Variants in DACT3 observed in about 807,000 individuals in gnomAD.
DACT3 encodes dishevelled binding antagonist of beta catenin 3.
Under a neutral mutation model 19.6 loss-of-function variants are expected in DACT3, and 5 were observed. The ratio of observed to expected loss-of-function variants is 0.26; its 90% CI spans 0.13 to 0.54. DACT3 has a LOEUF of 0.54. Among genes scored for constraint, DACT3 ranks in the 20% least tolerant of loss-of-function variants. The pLI is 0.95. For missense variants in DACT3, 908 were observed against 927.4 expected, an observed-to-expected ratio of 0.98 and a Z score of 0.27; for synonymous variants, 454 against 428.1, an observed-to-expected ratio of 1.06 and a Z score of -0.75.
intron 1 of DACT3, among the ~76,000 whole-genome samples, chr19:46,655,925 C>CTCTCTCTCTCTCTCTCTATATATA (rs980735397): frequency 7.3e-6 from 1 of 137,898 alleles, no homozygotes; most frequent in African/African-American, 2.7e-5. Context: ...CTCTCTCTCT[C>CTCTCTCTCTCTCTCTCTATATATA]TATATATATA....
At position 46,649,200 on chromosome 19, in the gene DACT3, G is replaced by A; in HGVS notation, c.1172C>T (p.Ser391Leu). 2 of 1,203,424 alleles carry A rather than the reference G, an allele frequency of 1.7e-6. No homozygotes were observed. The highest frequency in any genetic ancestry group is 2.1e-6 in the Non-Finnish European group (2 of 970,918). The allele number at this position is 1,203,424 out of a possible 1,614,324, so 74.5% of individuals were successfully genotyped here. A position where few individuals can be genotyped will look rare whatever the true frequency, so the allele number is the denominator to read the frequency against. Reference protein sequence around the residue: ...PLTRGRSVEQSPPRERPRAAG... With the variant: ...PLTRGRSVEQLPPRERPRAAG... ...GGCCCGGGGACGCTCCCGGGGTGGTGACTGCTCCACGCTGCGGCCGCGGGT... is the reference window on the plus strand; with the variant it reads ...GGCCCGGGGACGCTCCCGGGGTGGTAACTGCTCCACGCTGCGGCCGCGGGT... Residue 391 changes from serine (S) to leucine (L), a missense_variant, in exon 4 of 4, where the codon TCA (serine) becomes TTA (leucine). This residue lies in a region of DACT3 where 656 missense variants were observed against 601.8 expected (regional missense o/e 1.09). Coordinates refer to ENST00000391916, the MANE Select transcript of DACT3 (RefSeq NM_145056.3).
chr19:46,649,521 C>T lies in DACT3; in HGVS notation c.851G>A (p.Ser284Asn). Residue 284 changes from serine to asparagine, a missense_variant, in exon 4 of 4, where the codon AGC (serine) becomes AAC (asparagine). Physicochemically the swap from Ser to Asn is conservative, Grantham distance 46. Coordinates refer to ENST00000391916, the MANE Select transcript of DACT3 (RefSeq NM_145056.3). ...CGCGTCGGGCGGCCGCTGGCGCACG[C>T]TGTTCTGGCGCCGCGGGCCGCCGTC... ...GADGGPRRQN[S>N]VRQRPPDASP... is the part of the protein sequence containing the mutation. 1 of 1,076,208 alleles carries T rather than the reference C, an allele frequency of 9.3e-7. No homozygotes were observed. The highest frequency in any genetic ancestry group is 1.1e-6 in the Non-Finnish European group (1 of 890,832). 66.7% of individuals were successfully genotyped at this position (1,076,208 alleles called of 1,614,324 possible). A position where few individuals can be genotyped will look rare whatever the true frequency, so the allele number is the denominator to read the frequency against.
In DACT3 at chr19:46,652,827, G is replaced by A; in HGVS notation, c.347-15C>T. The A allele has an allele frequency of 1.9e-6, 3 of 1,547,284 alleles. No individual in the cohort carries two copies. The highest frequency in any genetic ancestry group is 2.6e-6 in the Non-Finnish European group (3 of 1,144,010). On this transcript the variant is annotated splice_polypyrimidine_tract_variant and intron_variant, in intron 2 of 3. Transcript: ENST00000391916. ...TTCATAGAAGCCTAAATTTCCAGGA[G>A]AAGCAGAGAGACTTCAGGGGGTTTG...
rs2052951214 is a variant in DACT3 at position 46,649,113 on chromosome 19, T to C, written c.1259A>G (p.Lys420Arg). The C allele has an allele frequency of 1.6e-6, 2 of 1,290,004 alleles. No homozygotes were observed. The highest frequency in any genetic ancestry group is 9.8e-7 in the Non-Finnish European group (1 of 1,020,312). 79.9% of individuals were successfully genotyped at this position (1,290,004 alleles called of 1,614,324 possible). A position where few individuals can be genotyped will look rare whatever the true frequency, so the allele number is the denominator to read the frequency against. The change falls in exon 4 of 4, where the codon AAG becomes AGG. Residue 420 changes from lysine to arginine, a missense_variant. Coordinates refer to ENST00000391916, the MANE Select transcript of DACT3 (RefSeq NM_145056.3). ...GGTCTCAGACTGGGAGCGCGAGGCC[T>C]TGCGGGCCCTGGGCGAGCCGCGGCG... ...SGRRGSPRAR[K>R]ASRSQSETSL...
In DACT3 at chr19:46,648,853, A is replaced by C. The variant is rs1208314721; in HGVS notation, c.1519T>G (p.Ser507Ala). The change falls in exon 4 of 4, where the codon TCA becomes GCA. Residue 507 changes from serine (S) to alanine (A), a missense_variant. Ser to Ala is a moderately conservative substitution (Grantham distance 99). This residue lies in a region of DACT3 where 656 missense variants were observed against 601.8 expected (regional missense o/e 1.09). Coordinates refer to ENST00000391916, the MANE Select transcript of DACT3 (RefSeq NM_145056.3). The surrounding 1 kb of genome is among the most constrained non-coding windows in gnomAD (Gnocchi z 5.1). ...TAAAGCAGACGACGCTGGGGAGCTG[A>C]CGGGGACGGGCCGGGGCCGGGAACA... The part of the protein sequence containing the change: ...ARVPGPGPSP[S>A]APQRRLLYGC... The C allele has an allele frequency of 6.9e-7, 1 of 1,458,752 alleles. No individual in the cohort carries two copies. The highest frequency in any genetic ancestry group is 9.0e-7 in the Non-Finnish European group (1 of 1,115,774). 90.4% of individuals were successfully genotyped at this position (1,458,752 alleles called of 1,614,324 possible).
chr19:46,648,295 C>T lies in DACT3; in HGVS notation c.*187G>A. The T allele has an allele frequency of 1.0e-6, 1 of 979,652 alleles. No individual in the cohort carries two copies. Among genetic ancestry groups the T allele is most frequent in the African/African-American group, 1.6e-5 (1 of 61,280 alleles). The allele number at this position is 979,652 out of a possible 1,614,324, so 60.7% of individuals were successfully genotyped here. A position where few individuals can be genotyped will look rare whatever the true frequency, so the allele number is the denominator to read the frequency against. On this transcript the variant is annotated 3_prime_UTR_variant, in exon 4 of 4. Coordinates refer to ENST00000391916, the MANE Select transcript of DACT3 (RefSeq NM_145056.3). This position sits in a 1 kb window ranked among gnomAD's most constrained non-coding sequence, Gnocchi z 5.1. ...AGCTGAACTGGGTCAAACAGGGCTC[C>T]TCCCCATTCCTCTCGGTGGTGGTGG...
Position 46,649,052 on chromosome 19 carries a change from C to G in DACT3, c.1320G>C (p.Gly440=). Residue 440 remains glycine (G), a synonymous_variant, in exon 4 of 4, where the codon GGG becomes GGC. Transcript: ENST00000391916. ...GCTCCGCCGTGGGGTACTTAGGGGGCCCCGAAGGGACCGCGGAGGCGCGGC... is the reference window on the plus strand; with the variant it reads ...GCTCCGCCGTGGGGTACTTAGGGGGGCCCGAAGGGACCGCGGAGGCGCGGC... ...LLGRASAVPS[G]PPKYPTAERE... 7.8e-7 allele frequency: 1 copy of G among 1,287,384 alleles called. No individual in the cohort carries two copies. The highest frequency in any genetic ancestry group is 2.2e-5 in the South Asian group (1 of 44,514). The allele number at this position is 1,287,384 out of a possible 1,614,324, so 79.7% of individuals were successfully genotyped here.
chr19:46,651,229 C>CA (rs1235110103), intron 3 of DACT3: 1 of 151,964 alleles, frequency 6.6e-6, no homozygotes, highest in South Asian at 2.1e-4. Context: ...ATTACAGGCA[C>CA]GCGCCACCAC....
Position 46,661,143 on chromosome 19 carries a change from T to TGCCC in DACT3, c.-83_-80dup, listed in dbSNP as rs748891656. The TGCCC allele has an allele frequency of 1.4e-4, 179 of 1,282,324 alleles. 1 individual carries two copies. In the African/African-American group the frequency reaches 1.9e-3, roughly 14 times the overall value. The allele number at this position is 1,282,324 out of a possible 1,614,324, so 79.4% of individuals were successfully genotyped here. A position where few individuals can be genotyped will look rare whatever the true frequency, so the allele number is the denominator to read the frequency against. ...GTCCCACCTCCCCGCCCCAGCAGCC[T>TGCCC]GCCCGCCCGCCCGCTGGCCGGGCTG... On this transcript the variant is annotated 5_prime_UTR_variant, in exon 1 of 4. Coordinates refer to ENST00000391916, the MANE Select transcript of DACT3 (RefSeq NM_145056.3).
At position 46,649,367 on chromosome 19, in the gene DACT3, C is replaced by A. The variant is rs1228135965; in HGVS notation, c.1005G>T (p.Glu335Asp). 7.9e-7 allele frequency: 1 copy of A among 1,265,448 alleles called. No individual in the cohort carries two copies. Among genetic ancestry groups the A allele is most frequent in the South Asian group, 2.1e-5 (1 of 48,646 alleles). The allele number at this position is 1,265,448 out of a possible 1,614,324, so 78.4% of individuals were successfully genotyped here. Reference protein sequence around the residue: ...ASSWESEAAPEPAAPPAAPSP... With the variant: ...ASSWESEAAPDPAAPPAAPSP... The stretch of plus-strand genomic sequence containing the variant: ...AGGGGGCGGCGGGCGGCGCAGCGGG[C>A]TCGGGTGCCGCCTCCGACTCCCACG... Residue 335 changes from glutamate to aspartate, a missense_variant, in exon 4 of 4, where the codon GAG becomes GAT. Transcript: ENST00000391916.
chr19:46,652,421 G>C, intron 3 of DACT3: 1 of 529,530 alleles, frequency 1.9e-6, no homozygotes, highest in Non-Finnish European at 3.3e-6. Context: ...CTGGCCTCAA[G>C]TGATCCGCCC....
Position 46,661,157 on chromosome 19 carries a change from C to T in DACT3, c.-93G>A, listed in dbSNP as rs1482122291. ...CCCCAGCAGCCTGCCCGCCCGCCCG[C>T]TGGCCGGGCTGTCACCGTCTCATCT... is the stretch of plus-strand genomic sequence containing the variant. On this transcript the variant is annotated 5_prime_UTR_variant, in exon 1 of 4. Coordinates refer to ENST00000391916, the MANE Select transcript of DACT3 (RefSeq NM_145056.3). 18 of 1,261,886 alleles carry T rather than the reference C, an allele frequency of 1.4e-5. No individual in the cohort carries two copies. Among genetic ancestry groups the T allele is most frequent in the Non-Finnish European group, 1.8e-5 (18 of 986,276 alleles). The allele number at this position is 1,261,886 out of a possible 1,614,324, so 78.2% of individuals were successfully genotyped here. A position where few individuals can be genotyped will look rare whatever the true frequency, so the allele number is the denominator to read the frequency against.
chr19:46,657,542 A>G (rs1423575222), intron 1 of DACT3, among the ~76,000 whole-genome samples: 3 of 150,060 alleles, frequency 2.0e-5, no homozygotes, highest in African/African-American at 7.3e-5. Context: ...TTTAGTAGAG[A>G]CGGGGTTCCA....
rs368607065 is a variant in DACT3 at position 46,653,745 on chromosome 19, G to T, written c.250-670C>A. Among the ~76,000 whole-genome samples, 51 of 151,894 alleles carry T rather than the reference G, an allele frequency of 3.4e-4. 1 individual carries two copies. In the East Asian group the frequency reaches 9.3e-3, roughly 28 times the overall value. ...ATTTTTGTGTTTTCAGTAGAGGCAG[G>T]GTTTCACCATGTTGCCCAGGCTGAT... On this transcript the variant is annotated intron_variant, in intron 1 of 3. Transcript: ENST00000391916.
At position 46,648,327 on chromosome 19, in the gene DACT3, CT is replaced by C; in HGVS notation, c.*154del. On this transcript the variant is annotated 3_prime_UTR_variant, in exon 4 of 4. Transcript: ENST00000391916. The surrounding 1 kb of genome is among the most constrained non-coding windows in gnomAD (Gnocchi z 5.1). ...TTCCTCTCGGTGGTGGTGGGGGAGCCTTTTCAACCAAGACTGTTAGGAGTGG... is the reference window on the plus strand; with the variant it reads ...TTCCTCTCGGTGGTGGTGGGGGAGCCTTTCAACCAAGACTGTTAGGAGTGG... 2.3e-6 allele frequency: 3 copies of C among 1,285,080 alleles called. No individual in the cohort carries two copies. The highest frequency in any genetic ancestry group is 3.2e-6 in the Non-Finnish European group (3 of 936,230). The allele number at this position is 1,285,080 out of a possible 1,614,324, so 79.6% of individuals were successfully genotyped here.
In DACT3 at chr19:46,661,135, C is replaced by G; in HGVS notation, c.-71G>C. The G allele has an allele frequency of 7.6e-7, 1 of 1,320,510 alleles. No homozygotes were observed. The highest frequency in any genetic ancestry group is 9.7e-7 in the Non-Finnish European group (1 of 1,034,648). 81.8% of individuals were successfully genotyped at this position (1,320,510 alleles called of 1,614,324 possible). ...CTCTCCCGGTCCCACCTCCCCGCCC[C>G]AGCAGCCTGCCCGCCCGCCCGCTGG... is the stretch of plus-strand genomic sequence containing the variant. On this transcript the variant is annotated 5_prime_UTR_variant, in exon 1 of 4. Transcript: ENST00000391916.
chr19:46,648,309 CGGT>C lies in DACT3; in HGVS notation c.*170_*172del, dbSNP rs1320015512. 16 of 1,110,238 alleles carry C rather than the reference CGGT, an allele frequency of 1.4e-5. No homozygotes were observed. In the East Asian group the frequency reaches 3.6e-4, roughly 25 times the overall value. The allele number at this position is 1,110,238 out of a possible 1,614,324, so 68.8% of individuals were successfully genotyped here. ...AAACAGGGCTCCTCCCCATTCCTCT[CGGT>C]GGTGGTGGGGGAGCCTTTTCAACCA... On this transcript the variant is annotated 3_prime_UTR_variant, in exon 4 of 4. Coordinates refer to ENST00000391916, the MANE Select transcript of DACT3 (RefSeq NM_145056.3). This position sits in a 1 kb window ranked among gnomAD's most constrained non-coding sequence, Gnocchi z 5.1.
chr19:46,654,642 C>T, intron 1 of DACT3: 1 of 985,486 alleles, frequency 1.0e-6, no homozygotes, highest in Non-Finnish European at 1.2e-6. Context: ...AAAAGTCTCA[C>T]ATGGGTCTGA....
rs541337082 is a variant in DACT3, at chr19:46,660,882, C to T, written c.183G>A (p.Glu61=). 233 of 1,533,796 alleles carry T rather than the reference C, an allele frequency of 1.5e-4. No homozygotes were observed. In the East Asian group the frequency reaches 5.7e-3, roughly 38 times the overall value. The change falls in exon 1 of 4, where the codon GAG becomes GAA. Residue 61 remains glutamate (E), a synonymous_variant. Coordinates refer to ENST00000391916, the MANE Select transcript of DACT3 (RefSeq NM_145056.3). This position sits in a 1 kb window ranked among gnomAD's most constrained non-coding sequence, Gnocchi z 4.9. ...GMGGAEAEDE[E]DADEDEDAAA... is the part of the protein sequence containing the mutation. ...CCGCATCTTCATCCTCATCGGCGTC[C>T]TCCTCGTCCTCGGCCTCGGCGCCCC...
Sources: allele counts gnomAD v4.1 joint callset (sites outside exome capture counted in the v4.1 genomes callset), GRCh38; gene constraint gnomAD v4.1.1; regional missense constraint gnomAD v4.1.1; non-coding constraint Gnocchi (gnomAD v3.1); transcripts MANE v1.5; gene names NCBI Gene and HGNC (gene_info 2026-07-23, HGNC 2026-07-21).